Variants in RIC8B observed in about 807,000 individuals in gnomAD.
The protein encoded by RIC8B is RIC8 guanine nucleotide exchange factor B, also known as chaperone Ric-8B.
A neutral mutation model predicts 57.5 loss-of-function variants in RIC8B; 16 were observed. The ratio of observed to expected loss-of-function variants is 0.28; its 90% CI spans 0.19 to 0.42. The LOEUF (loss-of-function observed/expected upper bound fraction) is 0.42, where lower values mean the gene tolerates loss of function less well. RIC8B is among the 10% of genes least tolerant of loss of function. RIC8B has a pLI of 1.00. For missense variants in RIC8B, 481 were observed against 677.0 expected (o/e 0.71, Z 3.21); for synonymous variants, 216 against 250.8 (o/e 0.86, Z 1.31).
intron 1 of RIC8B, among the ~76,000 whole-genome samples, chr12:106,783,507 CG>C (rs2043858778): frequency 6.6e-6 from 1 of 152,236 alleles, no homozygotes; most frequent in South Asian, 2.1e-4. Context: ...TCAGCAGCAT[CG>C]GAAGGCCCTT....
chr12:106,860,335 G>T lies in RIC8B; in HGVS notation c.1374G>T (p.Leu458Phe), dbSNP rs370984877. Residue 458 changes from leucine (L) to phenylalanine (F), a missense_variant, in exon 8 of 10, where the codon TTG becomes TTT. Around this residue, in one of 3 missense-constraint regions of RIC8B, gnomAD observed 421 missense variants for 560.9 expected, o/e 0.75. Coordinates refer to ENST00000392837, the MANE Select transcript of RIC8B (RefSeq NM_001330145.2). Reference protein sequence around the residue: ...AAGLLAARGLLAGGRGDNWYS... With the variant: ...AAGLLAARGLFAGGRGDNWYS... ...GACTGTTGGCGGCCAGGGGCCTCTT[G>T]GCTGGAGGAAGAGGAGATAATTGGT... 1.4e-5 allele frequency: 22 copies of T among 1,608,714 alleles called. No individual in the cohort carries two copies. The highest frequency in any genetic ancestry group is 1.8e-5 in the Non-Finnish European group (21 of 1,177,358).
intron 8 of RIC8B, among the ~76,000 whole-genome samples, chr12:106,861,683 A>G (rs1949941466): frequency 6.6e-6 from 1 of 152,134 alleles, no homozygotes; most frequent in African/African-American, 2.4e-5. Context: ...TATAGAAGTC[A>G]TCATTCTAAA....
At chr12:106,873,834 G>C (rs559380391) in intron 9 of RIC8B, among the ~76,000 whole-genome samples, 10 of 152,204 alleles carry the variant, frequency 6.6e-5, no homozygotes, top group Non-Finnish European at 1.3e-4. Context: ...GCTAGCATTT[G>C]TGCTGATCCT....
intron 2 of RIC8B, among the ~76,000 whole-genome samples, chr12:106,810,901 G>A (rs1414623158): frequency 6.6e-6 from 1 of 152,104 alleles, no homozygotes; most frequent in African/African-American, 2.4e-5. Flanking sequence ...CAGTAAATGA[G>A]GTCCAGAGAC....
At chr12:106,855,578 T>TC (rs1469078654) in intron 7 of RIC8B, among the ~76,000 whole-genome samples, 1 of 152,190 alleles carries the variant, frequency 6.6e-6, no homozygotes, top group East Asian at 1.9e-4. Context: ...TTATTACGTC[T>TC]CTCATAACAG....
chr12:106,835,164 A>G (rs180899725), intron 4 of RIC8B, among the ~76,000 whole-genome samples: 202 of 151,984 alleles, frequency 1.3e-3, no homozygotes, highest in African/African-American at 4.7e-3. Flanking sequence ...TTCTGCATCT[A>G]TTCCTCTGCC....
At chr12:106,868,872 T>TTTGTG (rs1950262800) in intron 8 of RIC8B, among the ~76,000 whole-genome samples, 1 of 148,612 alleles carries the variant, frequency 6.7e-6, no homozygotes. Context: ...TTTTTTTTTT[T>TTTGTG]GAGACGGAGT....
At chr12:106,798,669 A>C (rs969817916) in intron 2 of RIC8B, among the ~76,000 whole-genome samples, 1 of 152,008 alleles carries the variant, frequency 6.6e-6, no homozygotes, top group Non-Finnish European at 1.5e-5. Context: ...TATGAACTCT[A>C]AATCTGCTTT....
chr12:106,774,758 C>A lies in RIC8B; in HGVS notation c.13C>A (p.Arg5Ser). 6.4e-7 allele frequency: 1 copy of A among 1,550,700 alleles called. No homozygotes were observed. Among genetic ancestry groups the A allele is most frequent in the Non-Finnish European group, 8.7e-7 (1 of 1,146,478 alleles). Residue 5 changes from arginine (R) to serine (S), a missense_variant, in exon 1 of 10, where the codon CGC becomes AGC. Arg to Ser is a moderately radical substitution (Grantham distance 110). Around this residue, in one of 3 missense-constraint regions of RIC8B, gnomAD observed 421 missense variants for 560.9 expected, o/e 0.75. Transcript: ENST00000392837. ...CGCACCTGCGGCCATGGATGAGGAG[C>A]GCGCCCTCTACATCGTCCGGGCCGG... MDEE[R>S]ALYIVRAGEA...
At chr12:106,815,373 G>C in intron 3 of RIC8B, 69 bp downstream of exon 3, 1 of 1,477,876 alleles carries the variant, frequency 6.8e-7, no homozygotes, top group East Asian at 2.3e-5. Context: ...AGAGTTTCCT[G>C]CAAGAGAAGA....
At chr12:106,843,771 T>A in intron 5 of RIC8B, 81 bp from the exon 6 acceptor site, 6 of 810,142 alleles carry the variant, frequency 7.4e-6, no homozygotes, top group South Asian at 1.9e-5. Flanking sequence ...CAAATTGATA[T>A]CCTCAGTTAC....
At chr12:106,798,876 T>C (rs899161876) in intron 2 of RIC8B, among the ~76,000 whole-genome samples, 2 of 152,230 alleles carry the variant, frequency 1.3e-5, no homozygotes, top group Non-Finnish European at 2.9e-5. Flanking sequence ...CTTAAATTGC[T>C]GTCTATTGAA....
chr12:106,810,809 A>G (rs1262816001), intron 2 of RIC8B, among the ~76,000 whole-genome samples: 2 of 152,212 alleles, frequency 1.3e-5, no homozygotes, highest in African/African-American at 2.4e-5. Context: ...ATAATGTATA[A>G]CAGATAACCT....
At chr12:106,854,988 C>T (rs866754045) in intron 7 of RIC8B, among the ~76,000 whole-genome samples, 2 of 152,144 alleles carry the variant, frequency 1.3e-5, no homozygotes, top group Admixed American at 1.3e-4. Context: ...TTTTATCTCC[C>T]TGCAAATTGT....
intron 2 of RIC8B, among the ~76,000 whole-genome samples, chr12:106,790,062 T>C (rs1195189943): frequency 6.6e-6 from 1 of 152,200 alleles, no homozygotes; most frequent in Non-Finnish European, 1.5e-5. Flanking sequence ...GGTAGTGCTG[T>C]AAGTATGGTA....
chr12:106,874,827 T>C (rs1950594065), intron 9 of RIC8B, among the ~76,000 whole-genome samples: 1 of 152,126 alleles, frequency 6.6e-6, no homozygotes, highest in African/African-American at 2.4e-5. Context: ...CAAGTGATTT[T>C]TTTTTTTTAG....
intron 6 of RIC8B, among the ~76,000 whole-genome samples, chr12:106,847,913 A>T (rs1949281058): frequency 6.6e-6 from 1 of 152,222 alleles, no homozygotes; most frequent in Admixed American, 6.5e-5. Flanking sequence ...CACTGGGAAG[A>T]AAGCAGTAAA....
Position 106,842,644 on chromosome 12 carries a change from T to G in RIC8B, c.892T>G (p.Cys298Gly). ...AGTCTCTTGTTTGGATGTTCTCATTTGTCCGTTAACCCATGAAGAAACAGC... is the reference window on the plus strand; with the variant it reads ...AGTCTCTTGTTTGGATGTTCTCATTGGTCCGTTAACCCATGAAGAAACAGC... ...VPVSCLDVLI[C>G]PLTHEETAQE... Residue 298 changes from cysteine to glycine, a missense_variant, in exon 5 of 10, where the codon TGT becomes GGT. Cys to Gly is a radical substitution (Grantham distance 159). This residue lies in a region of RIC8B where 421 missense variants were observed against 560.9 expected (regional missense o/e 0.75). Transcript: ENST00000392837. 1 of 1,614,106 alleles carries G rather than the reference T, an allele frequency of 6.2e-7. No individual in the cohort carries two copies. The highest frequency in any genetic ancestry group is 8.5e-7 in the Non-Finnish European group (1 of 1,179,944).
intron 2 of RIC8B, among the ~76,000 whole-genome samples, chr12:106,787,849 TATC>T (rs1374335908): frequency 6.6e-6 from 1 of 152,140 alleles, no homozygotes; most frequent in Non-Finnish European, 1.5e-5. Context: ...AGCCAAACCA[TATC>T]ATTCTGCCTC....
Sources: gnomAD v4.1 joint callset for allele counts (sites outside exome capture counted in the v4.1 genomes callset) on GRCh38, gnomAD v4.1.1 for gene constraint, gnomAD v4.1.1 regional missense constraint, MANE v1.5 for transcripts, NCBI Gene and HGNC (gene_info 2026-07-23, HGNC 2026-07-21) for gene names.